The following TMTC2 variants were observed in gnomAD, a reference collection of about 807,000 sequenced individuals.
TMTC2 encodes the protein protein O-mannosyl-transferase TMTC2.
Under a neutral mutation model 82.4 loss-of-function variants are expected in TMTC2, and 43 were observed. That is an observed-to-expected ratio of 0.52 (90% CI 0.41 to 0.67). The LOEUF is 0.67. TMTC2 is among the 30% of genes least tolerant of loss of function. The pLI is 0.00. For missense variants in TMTC2, 919 were observed against 1,012.4 expected, an observed-to-expected ratio of 0.91 and a Z score of 1.25; for synonymous variants, 408 against 381.9, an observed-to-expected ratio of 1.07 and a Z score of -0.80.
chr12:82,787,050 T>G (rs571777761), intron 1 of TMTC2, among the ~76,000 whole-genome samples: 1 of 152,286 alleles, frequency 6.6e-6, no homozygotes, highest in South Asian at 2.1e-4. Context: ...TCAGGCTGTT[T>G]CTATCAAATA....
In TMTC2 at chr12:82,783,004, A is replaced by G. The variant is rs1247040930; in HGVS notation, c.84-74006A>G. ...TGTTGACAAGCTACTTTGCTTGATA[A>G]ACTTGTTTATATAGTTTCTTTCACA... is the stretch of plus-strand genomic sequence containing the variant. On this transcript the variant is annotated intron_variant, in intron 1 of 11. Transcript: ENST00000321196. 3.9e-5 allele frequency among the ~76,000 whole-genome samples: 6 copies of G among 152,236 alleles called. No homozygotes were observed. The South Asian group carries it at 6.2e-4, about 16-fold the overall frequency.
At chr12:83,000,871 C>T (rs1283236978) in intron 8 of TMTC2, among the ~76,000 whole-genome samples, 1 of 152,218 alleles carries the variant, frequency 6.6e-6, no homozygotes, top group Non-Finnish European at 1.5e-5. Flanking sequence ...TTCTTGACTT[C>T]CGTGCACCTG....
intron 1 of TMTC2, among the ~76,000 whole-genome samples, chr12:82,700,665 T>C (rs932356354): frequency 6.6e-6 from 1 of 152,200 alleles, no homozygotes; most frequent in African/African-American, 2.4e-5. Context: ...TTGCAGTGTA[T>C]AGTTAATGAA....
At chr12:82,905,241 T>C (rs905654586) in intron 3 of TMTC2, among the ~76,000 whole-genome samples, 4 of 152,182 alleles carry the variant, frequency 2.6e-5, no homozygotes, top group Non-Finnish European at 5.9e-5. Flanking sequence ...AACAAAGTTA[T>C]AGATAAGCAG....
chr12:82,721,095 C>T (rs17009899), intron 1 of TMTC2, among the ~76,000 whole-genome samples: 15,426 of 152,226 alleles, frequency 0.1, 918 homozygotes, highest in East Asian at 0.23. Flanking sequence ...TTACATTTAA[C>T]GACAGGTTTT....
At chr12:82,766,538 CAATT>C (rs1876971404) in intron 1 of TMTC2, among the ~76,000 whole-genome samples, 1 of 152,158 alleles carries the variant, frequency 6.6e-6, no homozygotes, top group Admixed American at 6.6e-5. Context: ...AGAGGAATCA[CAATT>C]AATAACAAAT....
intron 7 of TMTC2, among the ~76,000 whole-genome samples, chr12:82,976,216 G>T (rs933308942): frequency 6.6e-6 from 1 of 151,986 alleles, no homozygotes; most frequent in African/African-American, 2.4e-5. Flanking sequence ...AAATTGATTA[G>T]CCCGGAGAAC....
At chr12:82,846,353 G>A (rs975973100) in intron 1 of TMTC2, among the ~76,000 whole-genome samples, 1 of 151,814 alleles carries the variant, frequency 6.6e-6, no homozygotes, top group African/African-American at 2.4e-5. Context: ...ACGAGACTCT[G>A]TCTTTTTTTT....
At chr12:82,838,138 C>T (rs1206119932) in intron 1 of TMTC2, among the ~76,000 whole-genome samples, 2 of 152,154 alleles carry the variant, frequency 1.3e-5, no homozygotes, top group African/African-American at 4.8e-5. Context: ...CTCCCTTAGC[C>T]ATTTTTGGGG....
intron 8 of TMTC2, among the ~76,000 whole-genome samples, chr12:83,005,042 A>G (rs1880112945): frequency 1.1e-5 from 1 of 94,224 alleles, no homozygotes; most frequent in Non-Finnish European, 2.5e-5. Flanking sequence ...TGTCTCTACT[A>G]AAAATACAAA....
At chr12:82,943,255 C>T (rs369400584) in intron 4 of TMTC2, among the ~76,000 whole-genome samples, 2 of 152,126 alleles carry the variant, frequency 1.3e-5, no homozygotes, top group African/African-American at 2.4e-5. Context: ...TTTGTAACAG[C>T]GTCAATCCAA....
At position 83,030,842 on chromosome 12, in the gene TMTC2, G is replaced by C. The variant is rs1048748406; in HGVS notation, c.2115G>C (p.Glu705Asp). Reference sequence around the variant, plus strand: ...AAAAGCTCTTCTTGAAGGCTATTGAGCTGGATCCCACCAAAGGAAACTGTT... The same window carrying C: ...AAAAGCTCTTCTTGAAGGCTATTGACCTGGATCCCACCAAAGGAAACTGTT... The part of the protein sequence containing the change: ...EAEKLFLKAI[E>D]LDPTKGNCYM... The change falls in exon 9 of 12, where the codon GAG becomes GAC. Residue 705 changes from glutamate to aspartate, a missense_variant. Glu to Asp is a conservative substitution (Grantham distance 45). Transcript: ENST00000321196. 1.5e-5 allele frequency: 25 copies of C among 1,613,710 alleles called. No individual in the cohort carries two copies. Among genetic ancestry groups the C allele is most frequent in the Non-Finnish European group, 2.1e-5 (25 of 1,179,688 alleles).
chr12:82,836,536 G>A (rs1348786664), intron 1 of TMTC2, among the ~76,000 whole-genome samples: 1 of 152,120 alleles, frequency 6.6e-6, no homozygotes, highest in Non-Finnish European at 1.5e-5. Flanking sequence ...GCCTCTATAA[G>A]CCGGAAAAGG....
At chr12:82,787,364 G>T (rs1254146159) in intron 1 of TMTC2, among the ~76,000 whole-genome samples, 1 of 151,902 alleles carries the variant, frequency 6.6e-6, no homozygotes, top group Non-Finnish European at 1.5e-5. Context: ...GATATTTAAG[G>T]AATTGTTTGT....
At position 82,965,666 on chromosome 12, in the gene TMTC2, C is replaced by G. The variant is rs1241811287; in HGVS notation, c.1791C>G (p.Asp597Glu). Reference sequence around the variant, plus strand: ...AGATCCCAGATGAAAACCTAAAGGACCCTCATGCACACAAGAGCTCTGTTA... The same window carrying G: ...AGATCCCAGATGAAAACCTAAAGGAGCCTCATGCACACAAGAGCTCTGTTA... Reference protein sequence around the residue: ...CSEIPDENLKDPHAHKSSVTS... With the variant: ...CSEIPDENLKEPHAHKSSVTS... The change falls in exon 6 of 12, where the codon GAC becomes GAG. Residue 597 changes from aspartate (D) to glutamate (E), a missense_variant. Coordinates refer to ENST00000321196, the MANE Select transcript of TMTC2 (RefSeq NM_152588.3). 1 of 1,613,666 alleles carries G rather than the reference C, an allele frequency of 6.2e-7. No individual in the cohort carries two copies. The highest frequency in any genetic ancestry group is 8.5e-7 in the Non-Finnish European group (1 of 1,179,790).
At chr12:82,888,404 G>A (rs937831933) in intron 2 of TMTC2, among the ~76,000 whole-genome samples, 5 of 152,194 alleles carry the variant, frequency 3.3e-5, no homozygotes, top group Admixed American at 6.5e-5. Context: ...TCTGTATGTG[G>A]TGACAACAAA....
intron 1 of TMTC2, among the ~76,000 whole-genome samples, chr12:82,712,280 A>G (rs1207020186): frequency 6.6e-6 from 1 of 152,068 alleles, no homozygotes; most frequent in Non-Finnish European, 1.5e-5. Context: ...AAATTCAAAA[A>G]TTAGCTGGGC....
At chr12:83,100,242 G>A (rs1049075327) in intron 11 of TMTC2, among the ~76,000 whole-genome samples, 1 of 151,966 alleles carries the variant, frequency 6.6e-6, no homozygotes, top group African/African-American at 2.4e-5. Context: ...TTCAACCTGC[G>A]AGCACATCGC....
At chr12:82,698,103 C>G (rs1872899244) in intron 1 of TMTC2, among the ~76,000 whole-genome samples, 1 of 152,104 alleles carries the variant, frequency 6.6e-6, no homozygotes, top group African/African-American at 2.4e-5. Context: ...TTTAAGGCAC[C>G]TTGGGGGGTT....
Sources: gnomAD v4.1 joint callset for allele counts (sites outside exome capture counted in the v4.1 genomes callset) on GRCh38, gnomAD v4.1.1 for gene constraint, MANE v1.5 for transcripts, NCBI Gene and HGNC (gene_info 2026-07-23, HGNC 2026-07-21) for gene names.